Variants in ANK3 observed in about 807,000 individuals in gnomAD.
ANK3 encodes the protein ankyrin 3.
A neutral mutation model predicts 370.9 loss-of-function variants in ANK3; 57 were observed. The ratio of observed to expected loss-of-function variants is 0.15; its 90% CI spans 0.12 to 0.19. The LOEUF (loss-of-function observed/expected upper bound fraction) is 0.19, where lower values mean the gene tolerates loss of function less well. Among genes scored for constraint, ANK3 ranks in the 10% least tolerant of loss-of-function variants. The pLI is 1.00. For missense variants in ANK3, 4,439 were observed against 5,302.1 expected, an observed-to-expected ratio of 0.84 and a Z score of 5.06; for synonymous variants, 1,929 against 1,946.3, an observed-to-expected ratio of 0.99 and a Z score of 0.23.
intron 2 of ANK3, among the ~76,000 whole-genome samples, chr10:60,397,265 TA>T (rs540362299): frequency 2.6e-4 from 39 of 151,582 alleles, no homozygotes; most frequent in African/African-American, 8.2e-4. Flanking sequence ...AATTTCAGAC[TA>T]AAACTCAGAT....
At chr10:60,208,357 T>C in intron 9 of ANK3, 124 bp from the exon 10 acceptor site, 1 of 839,938 alleles carries the variant, frequency 1.2e-6, no homozygotes, top group Non-Finnish European at 1.8e-6. Context: ...CTTCTATTTG[T>C]AAAAGCTTTT....
intron 1 of ANK3, among the ~76,000 whole-genome samples, chr10:60,728,705 A>G (rs974129307): frequency 6.6e-5 from 10 of 152,216 alleles, no homozygotes; most frequent in African/African-American, 2.2e-4. Flanking sequence ...AGAACTAGTT[A>G]GTTGGAGAAC....
intron 2 of ANK3, among the ~76,000 whole-genome samples, chr10:60,568,103 C>G (rs1279277687): frequency 6.6e-6 from 1 of 152,146 alleles, no homozygotes. Context: ...ATTACATAAA[C>G]TTAGTTGATA....
chr10:60,051,544 C>G, intron 42 of ANK3: 3 of 985,736 alleles, frequency 3.0e-6, no homozygotes, highest in Non-Finnish European at 3.6e-6. Context: ...TTGAATCACT[C>G]TCACTGTCTT....
chr10:60,138,742 A>G (rs969766147), intron 24 of ANK3: 95 of 599,796 alleles, frequency 1.6e-4, no homozygotes, highest in Non-Finnish European at 2.4e-4. Context: ...GGAAAAAAAA[A>G]AAGAACACAC....
intron 2 of ANK3, among the ~76,000 whole-genome samples, chr10:60,599,702 A>G (rs748027807): frequency 5.9e-5 from 9 of 152,112 alleles, no homozygotes; most frequent in Non-Finnish European, 2.9e-5. Context: ...TCTCTCCGTA[A>G]TCTATTTTCC....
chr10:60,065,279 GGAAGAGGGAAA>G (rs1382678509), intron 38 of ANK3, among the ~76,000 whole-genome samples: 5 of 152,272 alleles, frequency 3.3e-5, no homozygotes, highest in Non-Finnish European at 7.4e-5. Flanking sequence ...TGGCTGCCTT[GGAAGAGGGAAA>G]CTTAGGAGTC....
intron 1 of ANK3, among the ~76,000 whole-genome samples, chr10:60,374,779 G>T (rs568714326): frequency 6.6e-6 from 1 of 152,242 alleles, no homozygotes; most frequent in Admixed American, 6.5e-5. Context: ...AAAATAAACT[G>T]AATATAGAAA....
At chr10:60,687,553 CAT>C (rs1256644348) in intron 1 of ANK3, among the ~76,000 whole-genome samples, 73 of 152,074 alleles carry the variant, frequency 4.8e-4, no homozygotes, top group Non-Finnish European at 8.7e-4. Context: ...CACACACACA[CAT>C]GCACAACAAG....
rs1376116520 is a variant in ANK3, at chr10:60,074,882, G to GGT, written c.5998_5999insAC (p.Ala2000AspfsTer20). 1 of 1,613,802 alleles carries GGT rather than the reference G, an allele frequency of 6.2e-7. No homozygotes were observed. The highest frequency in any genetic ancestry group is 1.7e-5 in the Admixed American group (1 of 59,982). The stretch of plus-strand genomic sequence containing the variant: ...CTGGCTCGCAGCAGCTTGTTGTCTG[G>GGT]CTTCCCGGATTTCTTCCGAACTAAA... On this transcript the variant is annotated frameshift_variant, in exon 37 of 44. Coordinates refer to ENST00000280772, the MANE Select transcript of ANK3 (RefSeq NM_020987.5). LOFTEE classifies it high-confidence loss of function.
chr10:60,576,885 G>A (rs1181091301), intron 2 of ANK3, among the ~76,000 whole-genome samples: 4 of 152,192 alleles, frequency 2.6e-5, no homozygotes, highest in African/African-American at 9.6e-5. Context: ...GGTACCAGAA[G>A]CAATTCTACC....
intron 25 of ANK3, among the ~76,000 whole-genome samples, chr10:60,129,492 C>T (rs2093950027): frequency 6.6e-6 from 1 of 152,180 alleles, no homozygotes; most frequent in Non-Finnish European, 1.5e-5. Context: ...TGGCTCACAC[C>T]TATAATCCCA....
chr10:60,724,072 T>C (rs1443208833), intron 1 of ANK3, among the ~76,000 whole-genome samples: 2 of 127,840 alleles, frequency 1.6e-5, no homozygotes, highest in Non-Finnish European at 3.4e-5. Context: ...TAGCCAGGTG[T>C]GGTGGCGGGC....
At chr10:60,377,203 G>A (rs1364529199) in intron 1 of ANK3, among the ~76,000 whole-genome samples, 2 of 152,216 alleles carry the variant, frequency 1.3e-5, no homozygotes, top group African/African-American at 4.8e-5. Flanking sequence ...AGGGAACAGT[G>A]TGGGGATTCA....
intron 42 of ANK3, among the ~76,000 whole-genome samples, chr10:60,046,350 A>G (rs1380862209): frequency 6.6e-6 from 1 of 152,224 alleles, no homozygotes; most frequent in African/African-American, 2.4e-5. Flanking sequence ...TTTTGAGCTA[A>G]CTTTTGGAAA....
chr10:60,675,295 A>G (rs1486728218), intron 1 of ANK3, among the ~76,000 whole-genome samples: 1 of 152,172 alleles, frequency 6.6e-6, no homozygotes, highest in Non-Finnish European at 1.5e-5. Context: ...GATCTAGGCT[A>G]CCTCCCTTCA....
chr10:60,299,026 A>T lies in ANK3; in HGVS notation c.115-19387T>A, dbSNP rs144237675. On this transcript the variant is annotated intron_variant, in intron 1 of 43. Coordinates refer to ENST00000280772, the MANE Select transcript of ANK3 (RefSeq NM_020987.5). ...TTTTTAGAGTGATACGATTTTTAGG[A>T]CTCACTTGCCAATATGCTTATATTA... Among the ~76,000 whole-genome samples, 513 of 152,216 alleles carry T rather than the reference A, an allele frequency of 3.4e-3. 6 individuals are homozygous for T. The highest frequency in any genetic ancestry group is 0.011 in the African/African-American group (468 of 41,540).
chr10:60,090,688 A>G (rs572776656), intron 28 of ANK3, among the ~76,000 whole-genome samples: 4 of 152,356 alleles, frequency 2.6e-5, no homozygotes, highest in African/African-American at 9.6e-5. Flanking sequence ...ATTTACATGG[A>G]AATGCCAATT....
chr10:60,325,832 A>C (rs12775352), intron 1 of ANK3, among the ~76,000 whole-genome samples: 62,168 of 152,082 alleles, frequency 0.41, 13,191 homozygotes, highest in Middle Eastern at 0.5. Flanking sequence ...ATGCACACAT[A>C]CGTTCTTTGC....
Sources: gnomAD v4.1 joint callset for allele counts (sites outside exome capture counted in the v4.1 genomes callset) on GRCh38, gnomAD v4.1.1 for gene constraint, MANE v1.5 for transcripts, NCBI Gene and HGNC (gene_info 2026-07-23, HGNC 2026-07-21) for gene names.